Variants in ITGA8 observed in about 807,000 individuals in gnomAD.
The protein encoded by ITGA8 is integrin subunit alpha 8, also known as integrin alpha-8.
Under a neutral mutation model 142.3 loss-of-function variants are expected in ITGA8, and 91 were observed. The ratio of observed to expected loss-of-function variants is 0.64; its 90% confidence interval spans 0.54 to 0.76. ITGA8 has a LOEUF of 0.76. Ranked by LOEUF, ITGA8 falls within the 30% of genes least tolerant of loss-of-function variation. The probability of loss-of-function intolerance (pLI) is 0.00; values close to 1 mark genes in which losing one functional copy is unlikely to be tolerated. For missense variants in ITGA8, 1,406 were observed against 1,327.7 expected (o/e 1.06, Z -0.92); for synonymous variants, 505 against 485.2 (o/e 1.04, Z -0.54).
At chr10:15,565,573 ATTTTTTTTTTTT>A (rs71374633) in intron 25 of ITGA8, among the ~76,000 whole-genome samples, 44 of 34,786 alleles carry the variant, frequency 1.3e-3, no homozygotes, top group East Asian at 8.4e-3. Context: ...TCATGTCCTG[ATTTTTTTTTTTT>A]TTTTTTTTTT....
At chr10:15,531,712 T>C (rs1833298708) in intron 27 of ITGA8, among the ~76,000 whole-genome samples, 1 of 151,476 alleles carries the variant, frequency 6.6e-6, no homozygotes, top group South Asian at 2.1e-4. Context: ...CCGAGGCCGG[T>C]GGATCCCCTG....
intron 13 of ITGA8, among the ~76,000 whole-genome samples, chr10:15,637,696 A>C (rs957421668): frequency 6.6e-6 from 1 of 152,008 alleles, no homozygotes; most frequent in African/African-American, 2.4e-5. Flanking sequence ...TATTTTTAGT[A>C]GAGAAAGAGG....
intron 22 of ITGA8, among the ~76,000 whole-genome samples, chr10:15,591,250 G>C (rs1432230189): frequency 6.6e-6 from 1 of 151,818 alleles, no homozygotes; most frequent in Non-Finnish European, 1.5e-5. Context: ...GCCAGGCAAG[G>C]TATAAATAAA....
rs56676731 is a variant in ITGA8 at position 15,542,492 on chromosome 10, C to CA, written c.2880+5962dup. On this transcript the variant is annotated intron_variant, in intron 27 of 29. Coordinates refer to ENST00000378076, the MANE Select transcript of ITGA8 (RefSeq NM_003638.3). ...TTTTCTTTATTGGATTCTGAAATAG[C>CA]ATGCTATACAATTTAAATATCTTGA... is the stretch of plus-strand genomic sequence containing the variant. Among the ~76,000 whole-genome samples the CA allele has an allele frequency of 8.3e-3, 1,257 of 152,282 alleles. 6 individuals carry two copies. The highest frequency in any genetic ancestry group is 0.012 in the Admixed American group (186 of 15,288).
chr10:15,599,073 T>C (rs1213131479), intron 20 of ITGA8, among the ~76,000 whole-genome samples: 4 of 76,944 alleles, frequency 5.2e-5, no homozygotes, highest in African/African-American at 2.1e-4. Context: ...AAGGATTTAG[T>C]TTCTATAGTA....
At chr10:15,522,056 T>C (rs570866539) in intron 28 of ITGA8, among the ~76,000 whole-genome samples, 22 of 152,278 alleles carry the variant, frequency 1.4e-4, no homozygotes, top group Non-Finnish European at 2.6e-4. Context: ...TAATTAACAA[T>C]AATTTATTAT....
At chr10:15,520,997 G>A (rs1043105359) in intron 28 of ITGA8, among the ~76,000 whole-genome samples, 23 of 152,070 alleles carry the variant, frequency 1.5e-4, no homozygotes, top group African/African-American at 5.1e-4. Flanking sequence ...TCACTTTGTT[G>A]CCTCTGTCTT....
In ITGA8 at chr10:15,656,225, G is replaced by A. The variant is rs1834181347; in HGVS notation, c.949-819C>T. ...GGTAAGATTTACGCTTCCTGCTTCA[G>A]AGGAAGCATAAAAAGTTTTCATGTC... is the stretch of plus-strand genomic sequence containing the variant. On this transcript the variant is annotated intron_variant, in intron 10 of 29. Coordinates refer to ENST00000378076, the MANE Select transcript of ITGA8 (RefSeq NM_003638.3). 2.6e-5 allele frequency among the ~76,000 whole-genome samples: 4 copies of A among 152,278 alleles called. No individual in the cohort carries two copies. The South Asian group carries it at 8.3e-4, about 32-fold the overall frequency.
At chr10:15,687,627 C>T (rs552774563) in intron 3 of ITGA8, among the ~76,000 whole-genome samples, 5 of 152,090 alleles carry the variant, frequency 3.3e-5, no homozygotes, top group Non-Finnish European at 7.4e-5. Flanking sequence ...TTAAGTAGCC[C>T]CTAAGTCAGT....
In ITGA8 at chr10:15,718,840, C is replaced by A; in HGVS notation, c.269G>T (p.Gly90Val). 2 of 1,614,176 alleles carry A rather than the reference C, an allele frequency of 1.2e-6. No homozygotes were observed. Among genetic ancestry groups the A allele is most frequent in the Non-Finnish European group, 1.7e-6 (2 of 1,180,036 alleles). The change falls in exon 2 of 30, where the codon GGG becomes GTG. Residue 90 changes from glycine (G) to valine (V), a missense_variant. Gly to Val is a moderately radical substitution (Grantham distance 109). Coordinates refer to ENST00000378076, the MANE Select transcript of ITGA8 (RefSeq NM_003638.3). ...CCAAGGACAGTAATAGACGGCTCCC[C>A]CTTCCACGATATCGGGCTGGCTGGT... Reference protein sequence around the residue: ...ANTSQPDIVEGGAVYYCPWPA... With the variant: ...ANTSQPDIVEVGAVYYCPWPA...
rs537024124 is a variant in ITGA8, at chr10:15,610,906, T to A, written c.1554-2616A>T. ...GAAGTATTTCGCTAGTTTTTCTTTT[T>A]GTAATTGGTTAGTCACCAGTTATAT... On this transcript the variant is annotated intron_variant, in intron 15 of 29. Coordinates refer to ENST00000378076, the MANE Select transcript of ITGA8 (RefSeq NM_003638.3). Among the ~76,000 whole-genome samples, 6 of 152,376 alleles carry A rather than the reference T, an allele frequency of 3.9e-5. No individual in the cohort carries two copies. The South Asian group carries it at 1.2e-3, about 32-fold the overall frequency.
chr10:15,596,329 G>T (rs1833011716), intron 21 of ITGA8, among the ~76,000 whole-genome samples: 1 of 152,194 alleles, frequency 6.6e-6, no homozygotes, highest in Non-Finnish European at 1.5e-5. Context: ...TGAGGCTTTG[G>T]CCAATTCATC....
Position 15,516,486 on chromosome 10 carries a change from G to A in ITGA8, c.*672C>T, listed in dbSNP as rs1303457983. 6.6e-6 allele frequency: 1 copy of A among 152,204 alleles called. No individual in the cohort carries two copies. The highest frequency in any genetic ancestry group is 1.5e-5 in the Non-Finnish European group (1 of 68,034). The allele number at this position is 152,204 out of a possible 1,614,324, so 9.4% of individuals were successfully genotyped here. On this transcript the variant is annotated 3_prime_UTR_variant, in exon 30 of 30. Coordinates refer to ENST00000378076, the MANE Select transcript of ITGA8 (RefSeq NM_003638.3). The stretch of plus-strand genomic sequence containing the variant: ...GTTCTTAGGAGGAAACTGAGTGAGT[G>A]ATTTTGAAAACTAGCTAACCAAATC...
intron 2 of ITGA8, among the ~76,000 whole-genome samples, chr10:15,702,611 A>G (rs1835186103): frequency 6.6e-6 from 1 of 152,064 alleles, no homozygotes; most frequent in Non-Finnish European, 1.5e-5. Flanking sequence ...TCTTGACCCC[A>G]CAGCCTGAGC....
At chr10:15,716,274 T>C (rs1835449960) in intron 2 of ITGA8, among the ~76,000 whole-genome samples, 1 of 152,234 alleles carries the variant, frequency 6.6e-6, no homozygotes, top group Non-Finnish European at 1.5e-5. Flanking sequence ...AGTTGATAAG[T>C]ATAATAGTAG....
rs1401037874 is a variant in ITGA8, at chr10:15,684,026, G to A, written c.546C>T (p.Ala182=). The change falls in exon 4 of 30, where the codon GCC becomes GCT. Residue 182 remains alanine, a synonymous_variant. Transcript: ENST00000378076. Reference sequence around the variant, plus strand: ...TACTGTTCCGGCAAGGAGAGAACTCGGCATAGGCGCTGAAGTTCTGAATTG... The same window carrying A: ...TACTGTTCCGGCAAGGAGAGAACTCAGCATAGGCGCTGAAGTTCTGAATTG... ...YVAIQNFSAY[A]EFSPCRNSNA... 12 of 1,614,030 alleles carry A rather than the reference G, an allele frequency of 7.4e-6. No homozygotes were observed. Among genetic ancestry groups the A allele is most frequent in the South Asian group, 3.3e-5 (3 of 91,084 alleles).
At chr10:15,530,838 A>T (rs1833275188) in intron 28 of ITGA8, among the ~76,000 whole-genome samples, 1 of 152,204 alleles carries the variant, frequency 6.6e-6, no homozygotes, top group Admixed American at 6.5e-5. Context: ...CCTGCCCTGT[A>T]ATTTTCTGGG....
At chr10:15,711,105 T>G (rs1196005946) in intron 2 of ITGA8, among the ~76,000 whole-genome samples, 1 of 152,186 alleles carries the variant, frequency 6.6e-6, no homozygotes, top group Non-Finnish European at 1.5e-5. Flanking sequence ...GTGAGGAAAT[T>G]TTGTGCCTGA....
chr10:15,682,020 A>G (rs558264660), intron 4 of ITGA8, among the ~76,000 whole-genome samples: 3 of 152,218 alleles, frequency 2.0e-5, no homozygotes, highest in African/African-American at 7.2e-5. Flanking sequence ...GACACAAACT[A>G]TGCCTCATGT....
Sources: allele counts gnomAD v4.1 joint callset (sites outside exome capture counted in the v4.1 genomes callset), GRCh38; gene constraint gnomAD v4.1.1; transcripts MANE v1.5; gene names NCBI Gene and HGNC (gene_info 2026-07-23, HGNC 2026-07-21).